The following ANXA4 variants were observed in gnomAD, a reference collection of about 807,000 sequenced individuals.
ANXA4 encodes 35-beta calcimedin.
In ANXA4, 39 loss-of-function variants were observed where a neutral mutation model predicts 49.8. That is an observed-to-expected ratio of 0.78 (90% CI 0.61 to 1.02). The LOEUF (loss-of-function observed/expected upper bound fraction) is 1.02. Among genes scored for constraint, ANXA4 ranks in the 50% least tolerant of loss-of-function variants. The pLI is 0.00. For missense variants in ANXA4, 360 were observed against 410.1 expected, an observed-to-expected ratio of 0.88 and a Z score of 1.05; for synonymous variants, 134 against 152.5, an observed-to-expected ratio of 0.88 and a Z score of 0.89.
chr2:69,766,394 A>T (rs555184766), intron 1 of ANXA4, among the ~76,000 whole-genome samples: 2 of 152,352 alleles, frequency 1.3e-5, no homozygotes, highest in Non-Finnish European at 2.9e-5. Context: ...CAGTTGTCTT[A>T]TAAAGGAACT....
intron 2 of ANXA4, among the ~76,000 whole-genome samples, chr2:69,670,529 A>G (rs1486534459): frequency 6.6e-6 from 1 of 151,996 alleles, no homozygotes. Flanking sequence ...AGGTCACCCT[A>G]ATTATAAAGC....
intron 2 of ANXA4, among the ~76,000 whole-genome samples, chr2:69,665,355 G>T (rs977022942): frequency 6.6e-6 from 1 of 152,088 alleles, no homozygotes; most frequent in Non-Finnish European, 1.5e-5. Flanking sequence ...TGATTCTGAG[G>T]CCCTCAAGAT....
chr2:69,813,279 A>G (rs1330664294), intron 8 of ANXA4, among the ~76,000 whole-genome samples: 4 of 147,070 alleles, frequency 2.7e-5, no homozygotes, highest in Non-Finnish European at 6.0e-5. Flanking sequence ...ATGGAGTTTC[A>G]CTCTTGTTGC....
At position 69,790,910 on chromosome 2, in the gene ANXA4, C is replaced by T. The variant is rs150712033; in HGVS notation, c.97+2769C>T. ...AAACATAATTTCTCTTTCTCTAGTC[C>T]TCATTTTTGTTAAAAATAATCTATG... On this transcript the variant is annotated intron_variant, in intron 3 of 12. Transcript: ENST00000394295. Among the ~76,000 whole-genome samples the T allele has an allele frequency of 2.4e-3, 358 of 152,240 alleles. 1 individual carries two copies. The highest frequency in any genetic ancestry group is 4.5e-3 in the Admixed American group (69 of 15,292).
At chr2:69,681,181 C>T (rs866009252) in intron 2 of ANXA4, among the ~76,000 whole-genome samples, 7 of 152,196 alleles carry the variant, frequency 4.6e-5, no homozygotes, top group Non-Finnish European at 8.8e-5. Flanking sequence ...AATTTCATTA[C>T]TCATTATTGG....
chr2:69,756,257 C>T (rs528620608), intron 1 of ANXA4, among the ~76,000 whole-genome samples: 1 of 152,262 alleles, frequency 6.6e-6, no homozygotes, highest in South Asian at 2.1e-4. Flanking sequence ...TAACCCTTTC[C>T]AAATAGCCCT....
intron 3 of ANXA4, among the ~76,000 whole-genome samples, chr2:69,797,636 C>A (rs1368837114): frequency 6.6e-6 from 1 of 152,146 alleles, no homozygotes; most frequent in Non-Finnish European, 1.5e-5. Flanking sequence ...CATAAAATCC[C>A]CTTTCTATTT....
intron 12 of ANXA4, among the ~76,000 whole-genome samples, chr2:69,823,299 A>G (rs1455498479): frequency 6.6e-6 from 1 of 151,520 alleles, no homozygotes; most frequent in Non-Finnish European, 1.5e-5. Flanking sequence ...GATTAAAAAT[A>G]AAGAATACAT....
At chr2:69,735,191 A>G (rs1339592623) in intron 3 of ANXA4, among the ~76,000 whole-genome samples, 1 of 152,244 alleles carries the variant, frequency 6.6e-6, no homozygotes, top group African/African-American at 2.4e-5. Flanking sequence ...ACTAATGACT[A>G]TCTGTCTTTT....
At chr2:69,773,650 T>TC (rs1671834431) in intron 1 of ANXA4, among the ~76,000 whole-genome samples, 1 of 141,460 alleles carries the variant, frequency 7.1e-6, no homozygotes, top group African/African-American at 2.6e-5. Context: ...TTTTTTGTTT[T>TC]CGACAGAGTC....
intron 2 of ANXA4, among the ~76,000 whole-genome samples, chr2:69,664,628 G>A (rs1257672404): frequency 6.6e-6 from 1 of 152,178 alleles, no homozygotes; most frequent in Admixed American, 6.5e-5. Flanking sequence ...AATTCAACAA[G>A]TCACATTAAA....
intron 1 of ANXA4, among the ~76,000 whole-genome samples, chr2:69,646,523 G>A (rs1676014003): frequency 6.6e-6 from 1 of 152,198 alleles, no homozygotes; most frequent in Non-Finnish European, 1.5e-5. Context: ...TTTGAACTAG[G>A]TGTGGAAGAT....
intron 2 of ANXA4, among the ~76,000 whole-genome samples, chr2:69,674,986 C>G: frequency 6.6e-6 from 1 of 150,410 alleles, no homozygotes; most frequent in Non-Finnish European, 1.5e-5. Context: ...GCAGTGGCAC[C>G]ATCTCGGCTC....
chr2:69,814,794 G>GT (rs1673904267), intron 8 of ANXA4: 5 of 42,048 alleles, frequency 1.2e-4, no homozygotes, highest in African/African-American at 6.3e-4. Flanking sequence ...GTGTGTGTGT[G>GT]AGAGAAAGAG....
At chr2:69,753,866 A>G (rs111852185) in intron 1 of ANXA4, among the ~76,000 whole-genome samples, 76 of 152,360 alleles carry the variant, frequency 5.0e-4, no homozygotes, top group African/African-American at 1.8e-3. Context: ...TCTTGCAAAA[A>G]AGTCTGTGCA....
chr2:69,711,398 A>G (rs890141313), intron 2 of ANXA4, among the ~76,000 whole-genome samples: 15 of 152,254 alleles, frequency 9.9e-5, no homozygotes, highest in African/African-American at 3.1e-4. Flanking sequence ...ATGTAACAGC[A>G]TAGATAAATC....
chr2:69,646,838 C>G (rs981444105), intron 1 of ANXA4, among the ~76,000 whole-genome samples: 1 of 152,146 alleles, frequency 6.6e-6, no homozygotes, highest in Non-Finnish European at 1.5e-5. Flanking sequence ...CTGTATCCCC[C>G]CAACCCCTGT....
chr2:69,764,447 A>G (rs571518382), intron 1 of ANXA4, among the ~76,000 whole-genome samples: 45 of 152,308 alleles, frequency 3.0e-4, no homozygotes, highest in African/African-American at 1.1e-3. Flanking sequence ...ATGCTGTGCA[A>G]AAGCCACATG....
Position 69,825,586 on chromosome 2 carries a change from C to A in ANXA4, c.*71C>A. 1.8e-6 allele frequency: 2 copies of A among 1,139,342 alleles called. No homozygotes were observed. Among genetic ancestry groups the A allele is most frequent in the Non-Finnish European group, 2.6e-6 (2 of 772,160 alleles). 70.6% of individuals were successfully genotyped at this position (1,139,342 alleles called of 1,614,324 possible). Reference sequence around the variant, plus strand: ...TTTTTAACTTCATTTTTCTACACTGCTATTATCATTATCTCAGAATGCTTA... The same window carrying A: ...TTTTTAACTTCATTTTTCTACACTGATATTATCATTATCTCAGAATGCTTA... On this transcript the variant is annotated 3_prime_UTR_variant, in exon 13 of 13. Coordinates refer to ENST00000394295, the MANE Select transcript of ANXA4 (RefSeq NM_001153.5).
Sources: allele counts gnomAD v4.1 joint callset (sites outside exome capture counted in the v4.1 genomes callset), GRCh38; gene constraint gnomAD v4.1.1; transcripts MANE v1.5; gene names NCBI Gene and HGNC (gene_info 2026-07-23, HGNC 2026-07-21).